SGCD: variants seen among roughly 807,000 people sequenced by gnomAD.
SGCD encodes the protein sarcoglycan delta.
Under a neutral mutation model 36.6 loss-of-function variants are expected in SGCD, and 18 were observed. The ratio of observed to expected loss-of-function variants is 0.49; its 90% CI spans 0.34 to 0.73. The LOEUF is 0.73. Ranked by LOEUF, SGCD falls within the 30% of genes least tolerant of loss-of-function variation. The pLI is 0.01. For synonymous variants in SGCD, 133 were observed against 130.6 expected, an observed-to-expected ratio of 1.02 and a Z score of -0.12; for missense variants, 387 against 346.7, an observed-to-expected ratio of 1.12 and a Z score of -0.92.
chr5:156,368,161 G>A (rs770801965), intron 3 of SGCD, among the ~76,000 whole-genome samples: 10 of 151,236 alleles, frequency 6.6e-5, no homozygotes, highest in Admixed American at 5.3e-4. Context: ...GCACGATCTC[G>A]GCTCACTGCA....
intron 3 of SGCD, among the ~76,000 whole-genome samples, chr5:156,389,447 A>C (rs1771446706): frequency 6.6e-6 from 1 of 152,214 alleles, no homozygotes; most frequent in Non-Finnish European, 1.5e-5. Context: ...GAAGGATACA[A>C]GTCCAAAGAC....
chr5:156,609,291 C>T (rs1217191480), intron 6 of SGCD, among the ~76,000 whole-genome samples: 2 of 152,030 alleles, frequency 1.3e-5, no homozygotes, highest in Non-Finnish European at 2.9e-5. Context: ...TTTTATTTCT[C>T]CTTCACTTAT....
At chr5:155,998,855 A>G (rs1419763380) in intron 1 of SGCD, among the ~76,000 whole-genome samples, 2 of 152,224 alleles carry the variant, frequency 1.3e-5, no homozygotes, top group African/African-American at 2.4e-5. Flanking sequence ...GGAACTGGAC[A>G]TATTACAGAC....
At chr5:156,542,259 TA>T (rs35783917) in intron 4 of SGCD, among the ~76,000 whole-genome samples, 40,467 of 151,850 alleles carry the variant, frequency 0.27, 5,604 homozygotes, top group Non-Finnish European at 0.31. Flanking sequence ...GTATTAACTT[TA>T]AAAAAAATTA....
Position 155,949,499 on chromosome 5 carries a change from G to C in SGCD, c.-282+79075G>C, listed in dbSNP as rs112013349. Among the ~76,000 whole-genome samples the C allele has an allele frequency of 2.3e-4, 35 of 152,234 alleles. 1 individual carries two copies. Among genetic ancestry groups the C allele is most frequent in the African/African-American group, 7.9e-4 (33 of 41,542 alleles). ...GAGGTTTCGTGAGATTAAGTAATTT[G>C]TTCGATGTTATGTAGCTAGTATATG... On this transcript the variant is annotated intron_variant, in intron 1 of 9. Coordinates refer to the SGCD transcript ENST00000517913.
intron 3 of SGCD, among the ~76,000 whole-genome samples, chr5:156,428,831 T>A (rs951828686): frequency 3.3e-5 from 5 of 152,118 alleles, no homozygotes; most frequent in African/African-American, 1.2e-4. Flanking sequence ...TTCCATATAT[T>A]TGTATAGTTT....
intron 3 of SGCD, among the ~76,000 whole-genome samples, chr5:156,405,150 A>C (rs888309455): frequency 6.6e-6 from 1 of 152,190 alleles, no homozygotes; most frequent in Admixed American, 6.5e-5. Flanking sequence ...CTAGGACCTA[A>C]GAGTGGTCCC....
At chr5:155,877,023 G>A (rs1021004581) in intron 1 of SGCD, among the ~76,000 whole-genome samples, 1 of 152,064 alleles carries the variant, frequency 6.6e-6, no homozygotes, top group Non-Finnish European at 1.5e-5. Context: ...ACTTATGGTT[G>A]TACTGACATG....
At chr5:155,797,509 T>G in the SGCD span, among the ~76,000 whole-genome samples, 1 of 152,198 alleles carries the variant, frequency 6.6e-6, no homozygotes, top group Admixed American at 6.5e-5. Flanking sequence ...CCAATAGAAT[T>G]GCTATTGAAT....
intron 4 of SGCD, among the ~76,000 whole-genome samples, chr5:156,563,454 C>A (rs1759351310): frequency 6.6e-6 from 1 of 152,170 alleles, no homozygotes. Flanking sequence ...GGAGTCAGAT[C>A]CTATGGGTCT....
At chr5:156,156,481 T>C (rs1424782931) in intron 3 of SGCD, among the ~76,000 whole-genome samples, 2 of 151,310 alleles carry the variant, frequency 1.3e-5, no homozygotes, top group African/African-American at 4.9e-5. Flanking sequence ...ATATAAAAAT[T>C]AGCGTGGTGG....
Position 156,130,100 on chromosome 5 carries a change from C to T in SGCD, c.-44+6081C>T, listed in dbSNP as rs188257575. ...CACAGTGGTTGAACTAATTTATACTCCCACCAACAGTGTATAAGTGTTCCC... is the reference window on the plus strand; with the variant it reads ...CACAGTGGTTGAACTAATTTATACTTCCACCAACAGTGTATAAGTGTTCCC... On this transcript the variant is annotated intron_variant, in intron 3 of 9. Transcript: ENST00000517913. Among the ~76,000 whole-genome samples, 35 of 152,284 alleles carry T rather than the reference C, an allele frequency of 2.3e-4. No individual in the cohort carries two copies. In the East Asian group the frequency reaches 6.7e-3, roughly 29 times the overall value.
intron 3 of SGCD, among the ~76,000 whole-genome samples, chr5:156,310,780 T>G (rs1356489391): frequency 2.0e-5 from 3 of 152,216 alleles, no homozygotes; most frequent in African/African-American, 7.2e-5. Flanking sequence ...TGTTCAAAAA[T>G]AAAAGAGAGA....
intron 1 of SGCD, among the ~76,000 whole-genome samples, chr5:156,328,763 G>T (rs1202472284): frequency 1.3e-5 from 2 of 151,966 alleles, no homozygotes; most frequent in African/African-American, 2.4e-5. Context: ...GTGTTGGGGT[G>T]GTGTGGGGAG....
intron 3 of SGCD, among the ~76,000 whole-genome samples, chr5:156,128,567 G>C (rs1365078023): frequency 6.6e-6 from 1 of 152,220 alleles, no homozygotes; most frequent in East Asian, 1.9e-4. Flanking sequence ...GTCTCTAATT[G>C]TAATTCCCAC....
the SGCD span, among the ~76,000 whole-genome samples, chr5:155,786,757 T>C: frequency 6.6e-6 from 1 of 152,184 alleles, no homozygotes; most frequent in Admixed American, 6.6e-5. Context: ...TAAAGCATAA[T>C]TGACTTCTAG....
intron 3 of SGCD, among the ~76,000 whole-genome samples, chr5:156,176,761 G>T (rs1001762251): frequency 1.3e-5 from 2 of 152,046 alleles, no homozygotes; most frequent in Non-Finnish European, 2.9e-5. Context: ...GGTAAATTGC[G>T]ATTTTGTTTT....
At chr5:156,651,404 G>A (rs974595692) in intron 7 of SGCD, among the ~76,000 whole-genome samples, 5 of 152,074 alleles carry the variant, frequency 3.3e-5, no homozygotes, top group South Asian at 4.2e-4. Flanking sequence ...TATTTCTGAG[G>A]TTTTCATCTA....
chr5:155,889,553 A>T (rs1337868613), intron 1 of SGCD, among the ~76,000 whole-genome samples: 1 of 152,148 alleles, frequency 6.6e-6, no homozygotes, highest in African/African-American at 2.4e-5. Flanking sequence ...AGAAGTCTGT[A>T]CCTCCTAGAT....
Sources: allele counts gnomAD v4.1 joint callset (sites outside exome capture counted in the v4.1 genomes callset), GRCh38; gene constraint gnomAD v4.1.1; transcripts MANE v1.5; gene names NCBI Gene and HGNC (gene_info 2026-07-23, HGNC 2026-07-21).